KLRG2: variants seen among roughly 807,000 people sequenced by gnomAD.
The protein encoded by KLRG2 is killer cell lectin like receptor G2, also known as killer cell lectin-like receptor subfamily G member 2.
In KLRG2, 39 loss-of-function variants were observed where a neutral mutation model predicts 35.4. That is an observed-to-expected ratio of 1.10 (90% CI 0.85 to 1.44). The LOEUF (loss-of-function observed/expected upper bound fraction) is 1.44. KLRG2 is among the 40% of genes most tolerant of loss of function. KLRG2 has a pLI of 0.00. For missense variants in KLRG2, 632 were observed against 570.9 expected (o/e 1.11, Z -1.09); for synonymous variants, 283 against 265.8 (o/e 1.06, Z -0.63).
At chr7:139,449,763 G>A (rs1324224324), downstream of KLRG2, among the ~76,000 whole-genome samples, 2 of 128,910 alleles carry the variant, frequency 1.6e-5, no homozygotes, top group Admixed American at 9.0e-5. Context: ...GCAGTGGCAC[G>A]ATCTTGGCTC....
At chr7:139,460,388 G>A (rs914366578) in intron 3 of KLRG2, among the ~76,000 whole-genome samples, 1 of 152,166 alleles carries the variant, frequency 6.6e-6, no homozygotes, top group African/African-American at 2.4e-5. Flanking sequence ...TTACAGTTTT[G>A]GAGGCTGGGT....
At chr7:139,444,968 T>G in the KLRG2 span, among the ~76,000 whole-genome samples, 1 of 152,112 alleles carries the variant, frequency 6.6e-6, no homozygotes, top group Admixed American at 6.6e-5. Context: ...CAACATAAAC[T>G]GTGACAAGAG....
chr7:139,464,157 C>G (rs984060594), intron 3 of KLRG2, among the ~76,000 whole-genome samples: 5 of 152,102 alleles, frequency 3.3e-5, no homozygotes, highest in Admixed American at 2.0e-4. Flanking sequence ...GCATTCTCCC[C>G]TTGTATCTCC....
At chr7:139,447,814 G>C (rs10277605), downstream of KLRG2, among the ~76,000 whole-genome samples, 1 of 151,916 alleles carries the variant, frequency 6.6e-6, no homozygotes, top group Non-Finnish European at 1.5e-5. Context: ...CTGCAAGCCT[G>C]GCTGCCGAAG....
intron 3 of KLRG2, among the ~76,000 whole-genome samples, chr7:139,467,543 G>C (rs56924329): frequency 0.13 from 19,068 of 151,764 alleles, 1,328 homozygotes; most frequent in African/African-American, 0.18. Context: ...TACCCCCAAC[G>C]CCGTGCTCTC....
In KLRG2 at chr7:139,456,444, C is replaced by T. The variant is rs1218675982; in HGVS notation, c.1006-2230G>A. 2.0e-5 allele frequency among the ~76,000 whole-genome samples: 3 copies of T among 152,332 alleles called. No homozygotes were observed. The East Asian group carries it at 5.8e-4, about 29-fold the overall frequency. ...GCAGTGGCACAATCTCGGCTTACTG[C>T]AACCACCGTCTCCCGTGTTCAAGGA... On this transcript the variant is annotated intron_variant, in intron 3 of 4. Transcript: ENST00000340940.
chr7:139,466,218 G>A (rs764567526), intron 3 of KLRG2, among the ~76,000 whole-genome samples: 2 of 152,084 alleles, frequency 1.3e-5, no homozygotes, highest in Admixed American at 6.5e-5. Context: ...CACATGCCCC[G>A]GGTCAGAAAA....
In KLRG2 at chr7:139,483,069, G is replaced by C. The variant is rs1468817857; in HGVS notation, c.574C>G (p.Arg192Gly). The C allele has an allele frequency of 2.5e-5, 35 of 1,406,044 alleles. No individual in the cohort carries two copies. The highest frequency in any genetic ancestry group is 3.0e-5 in the East Asian group (1 of 32,846). 87.1% of individuals were successfully genotyped at this position (1,406,044 alleles called of 1,614,324 possible). A position where few individuals can be genotyped will look rare whatever the true frequency, so the allele number is the denominator to read the frequency against. ...WGRRSPLAAA[R>G]TESGCDAEGR... is the part of the protein sequence containing the mutation. ...TCTGCGTCGCAGCCGCTCTCCGTCC[G>C]GGCTGCAGCCAGCGGCGAGCGGCGG... Residue 192 changes from arginine (R) to glycine (G), a missense_variant, in exon 1 of 5, where the codon CGG (arginine) becomes GGG (glycine). Physicochemically the swap from Arg to Gly is moderately radical, Grantham distance 125. Transcript: ENST00000340940.
At chr7:139,445,805 A>G in the KLRG2 span, among the ~76,000 whole-genome samples, 1 of 138,904 alleles carries the variant, frequency 7.2e-6, no homozygotes, top group African/African-American at 3.2e-5. Flanking sequence ...GTGTATATAT[A>G]TATGACGGAG....
At chr7:139,480,737 G>A (rs1328779652) in intron 1 of KLRG2, among the ~76,000 whole-genome samples, 7 of 137,236 alleles carry the variant, frequency 5.1e-5, no homozygotes, top group East Asian at 2.3e-4. Context: ...GAGCCAACGC[G>A]TCTGGCCCTT....
downstream of KLRG2, among the ~76,000 whole-genome samples, chr7:139,448,152 C>T (rs1290490176): frequency 1.3e-5 from 2 of 151,974 alleles, no homozygotes; most frequent in African/African-American, 2.4e-5. Flanking sequence ...GGGGCCACCA[C>T]GCCCAGCTTA....
At position 139,482,898 on chromosome 7, in the gene KLRG2, C is replaced by T; in HGVS notation, c.745G>A (p.Val249Ile). The T allele has an allele frequency of 6.8e-7, 1 of 1,481,360 alleles. No individual in the cohort carries two copies. The highest frequency in any genetic ancestry group is 8.9e-7 in the Non-Finnish European group (1 of 1,127,420). The allele number at this position is 1,481,360 out of a possible 1,614,324, so 91.8% of individuals were successfully genotyped here. A position where few individuals can be genotyped will look rare whatever the true frequency, so the allele number is the denominator to read the frequency against. Residue 249 changes from valine (V) to isoleucine (I), a missense_variant, in exon 1 of 5, where the codon GTA (valine) becomes ATA (isoleucine). Physicochemically the swap from Val to Ile is conservative, Grantham distance 29. Coordinates refer to ENST00000340940, the MANE Select transcript of KLRG2 (RefSeq NM_198508.4). ...LDGDEKLPRA[V>I]TLTGLPMYVK... The stretch of plus-strand genomic sequence containing the variant: ...GGTGAGCACTCACCCGTAAGCGTTA[C>T]GGCCCGGGGCAGCTTCTCGTCGCCG...
the KLRG2 span, among the ~76,000 whole-genome samples, chr7:139,439,696 A>G: frequency 6.6e-6 from 1 of 152,160 alleles, no homozygotes; most frequent in Non-Finnish European, 1.5e-5. Flanking sequence ...GCAGGGTAAC[A>G]TGAACCTCCT....
chr7:139,479,788 C>G lies in KLRG2; in HGVS notation c.860-16G>C, dbSNP rs73484624. 5,451 of 1,611,526 alleles carry G rather than the reference C, an allele frequency of 3.4e-3. 171 individuals carry two copies. In the African/African-American group the frequency reaches 0.064, roughly 19 times the overall value. Reference sequence around the variant, plus strand: ...CATCTGGCTCCTGCAAGCACAGAGACTGCTGGTGAGCTGCAGGGTAAGCTG... The same window carrying G: ...CATCTGGCTCCTGCAAGCACAGAGAGTGCTGGTGAGCTGCAGGGTAAGCTG... On this transcript the variant is annotated splice_polypyrimidine_tract_variant and intron_variant, in intron 2 of 4. Coordinates refer to ENST00000340940, the MANE Select transcript of KLRG2 (RefSeq NM_198508.4).
chr7:139,465,352 A>G (rs768523942), intron 3 of KLRG2, among the ~76,000 whole-genome samples: 3 of 152,212 alleles, frequency 2.0e-5, no homozygotes, highest in Non-Finnish European at 4.4e-5. Flanking sequence ...CTCCATCATT[A>G]ATGCCTCTTT....
rs747913001 is a variant in KLRG2, at chr7:139,454,196, G to A, written c.1024C>T (p.Pro342Ser). Residue 342 changes from proline (P) to serine (S), a missense_variant, in exon 4 of 5, where the codon CCA (proline) becomes TCA (serine). Physicochemically the swap from Pro to Ser is moderately conservative, Grantham distance 74. Coordinates refer to ENST00000340940, the MANE Select transcript of KLRG2 (RefSeq NM_198508.4). ...SHTQDFLGRY[P>S]VSRHSWVGAW... The stretch of plus-strand genomic sequence containing the variant: ...CCCACCCAGGAGTGCCTGGAGACTG[G>A]GTATCTGCCCAGGAAGTCCTGAGGG... 3.9e-6 allele frequency: 6 copies of A among 1,538,502 alleles called. No individual in the cohort carries two copies. The highest frequency in any genetic ancestry group is 3.5e-6 in the Non-Finnish European group (4 of 1,136,612).
intron 3 of KLRG2, among the ~76,000 whole-genome samples, chr7:139,455,026 T>G (rs1796445164): frequency 6.6e-6 from 1 of 151,316 alleles, no homozygotes; most frequent in Admixed American, 6.6e-5. Context: ...ATTTAAGATT[T>G]TTTTTTTTTT....
the KLRG2 span, among the ~76,000 whole-genome samples, chr7:139,442,113 C>G: frequency 6.6e-6 from 1 of 151,984 alleles, no homozygotes; most frequent in African/African-American, 2.4e-5. Context: ...CAGTGACACG[C>G]CAGGGAGCAA....
In KLRG2 at chr7:139,483,330, G is replaced by A; in HGVS notation, c.313C>T (p.Arg105Trp). 1 of 1,545,308 alleles carries A rather than the reference G, an allele frequency of 6.5e-7. No individual in the cohort carries two copies. Among genetic ancestry groups the A allele is most frequent in the South Asian group, 1.2e-5 (1 of 85,308 alleles). Residue 105 changes from arginine (R) to tryptophan (W), a missense_variant, in exon 1 of 5, where the codon CGG becomes TGG. Transcript: ENST00000340940. ...TCAGCCCCGGGCGCCTCGCCATTCC[G>A]GGGCAGCTTGACCAAGGCAGGGCCC... ...SPGPALVKLP[R>W]NGEAPGAEPA...
Sources: allele counts gnomAD v4.1 joint callset (sites outside exome capture counted in the v4.1 genomes callset), GRCh38; gene constraint gnomAD v4.1.1; transcripts MANE v1.5; gene names NCBI Gene and HGNC (gene_info 2026-07-23, HGNC 2026-07-21).